The following NXPH1 variants were observed in gnomAD, a reference collection of about 807,000 sequenced individuals.
The protein encoded by NXPH1 is neurexophilin-1.
In NXPH1, 5 loss-of-function variants were observed where a neutral mutation model predicts 23.7. The ratio of observed to expected loss-of-function variants is 0.21; its 90% CI spans 0.11 to 0.44. NXPH1 has a LOEUF of 0.44. NXPH1 is among the 20% of genes least tolerant of loss of function. NXPH1 has a pLI of 0.99. For synonymous variants in NXPH1, 144 were observed against 122.2 expected, an observed-to-expected ratio of 1.18 and a Z score of -1.18; for missense variants, 324 against 321.6, an observed-to-expected ratio of 1.01 and a Z score of -0.06.
intron 2 of NXPH1, among the ~76,000 whole-genome samples, chr7:8,711,536 G>A (rs1779795408): frequency 6.6e-6 from 1 of 152,194 alleles, no homozygotes; most frequent in Non-Finnish European, 1.5e-5. Flanking sequence ...CAGGTTAAGT[G>A]TCAGAATAAT....
At chr7:8,579,738 T>C (rs566438619) in intron 2 of NXPH1, among the ~76,000 whole-genome samples, 1 of 152,322 alleles carries the variant, frequency 6.6e-6, no homozygotes, top group African/African-American at 2.4e-5. Context: ...TTCATTTAAA[T>C]CACATGATTG....
At chr7:8,553,338 ATTT>A (rs200120951) in intron 2 of NXPH1, among the ~76,000 whole-genome samples, 8,389 of 142,570 alleles carry the variant, frequency 0.059, 287 homozygotes, top group Middle Eastern at 0.11. Flanking sequence ...GGTGGTGGGC[ATTT>A]TTTTTTTTTT....
At chr7:8,694,573 G>A (rs1026553891) in intron 2 of NXPH1, among the ~76,000 whole-genome samples, 3 of 152,068 alleles carry the variant, frequency 2.0e-5, no homozygotes, top group Non-Finnish European at 2.9e-5. Flanking sequence ...CTCCTTAAAC[G>A]GGTTATAATA....
intron 2 of NXPH1, among the ~76,000 whole-genome samples, chr7:8,575,536 T>G (rs771221909): frequency 6.6e-6 from 1 of 152,220 alleles, no homozygotes; most frequent in Non-Finnish European, 1.5e-5. Flanking sequence ...CTACAGTCAA[T>G]GCTGTTGCTC....
At chr7:8,586,361 G>A (rs574629385) in intron 2 of NXPH1, among the ~76,000 whole-genome samples, 7 of 152,138 alleles carry the variant, frequency 4.6e-5, no homozygotes, top group East Asian at 1.9e-4. Context: ...TATGGAATTC[G>A]ATAATAATTC....
intron 2 of NXPH1, among the ~76,000 whole-genome samples, chr7:8,519,091 G>A (rs1314879084): frequency 6.6e-6 from 1 of 152,058 alleles, no homozygotes; most frequent in Non-Finnish European, 1.5e-5. Flanking sequence ...TTGTTCTGAA[G>A]AATCAAGCTT....
chr7:8,737,950 A>T (rs1029436209), intron 2 of NXPH1, among the ~76,000 whole-genome samples: 2 of 152,084 alleles, frequency 1.3e-5, no homozygotes, highest in African/African-American at 2.4e-5. Context: ...TGTATGTTTC[A>T]TGAAGTTCTC....
In NXPH1 at chr7:8,658,343, G is replaced by T. The variant is rs530710332; in HGVS notation, c.55-92665G>T. ...TATGTTAAGTGCTCAACGAGTGTTT[G>T]ATTAGTGAACACATTTCCATTTAGT... is the stretch of plus-strand genomic sequence containing the variant. On this transcript the variant is annotated intron_variant, in intron 2 of 2. Coordinates refer to ENST00000405863, the MANE Select transcript of NXPH1 (RefSeq NM_152745.3). Among the ~76,000 whole-genome samples, 6 of 152,308 alleles carry T rather than the reference G, an allele frequency of 3.9e-5. No individual in the cohort carries two copies. The South Asian group carries it at 1.2e-3, about 32-fold the overall frequency.
At chr7:8,544,176 TA>T (rs1818160909) in intron 2 of NXPH1, among the ~76,000 whole-genome samples, 1 of 151,642 alleles carries the variant, frequency 6.6e-6, no homozygotes, top group Non-Finnish European at 1.5e-5. Flanking sequence ...TTTGAGTGAC[TA>T]AAAACTTTAT....
At chr7:8,440,488 G>T (rs537670438) in intron 2 of NXPH1, among the ~76,000 whole-genome samples, 1 of 152,056 alleles carries the variant, frequency 6.6e-6, no homozygotes, top group Non-Finnish European at 1.5e-5. Context: ...AATTGTTGAC[G>T]GCTATTTCTT....
chr7:8,637,086 G>T (rs973276864), intron 2 of NXPH1, among the ~76,000 whole-genome samples: 6 of 152,146 alleles, frequency 3.9e-5, no homozygotes, highest in African/African-American at 1.4e-4. Flanking sequence ...GCAGAATCAT[G>T]GTACTGCCTA....
At chr7:8,594,861 T>C (rs1227021687) in intron 2 of NXPH1, among the ~76,000 whole-genome samples, 3 of 152,012 alleles carry the variant, frequency 2.0e-5, no homozygotes, top group Non-Finnish European at 4.4e-5. Context: ...AGCCTTTTCA[T>C]TAGATTTTCA....
rs556291097 is a variant in NXPH1 at position 8,641,685 on chromosome 7, ACCACTC to A, written c.55-109321_55-109316del. On this transcript the variant is annotated intron_variant, in intron 2 of 2. Transcript: ENST00000405863. Reference sequence around the variant, plus strand: ...CCCACCTTGAGGGATGAGAATTTCCACCACTCCTCTTTCTATAATAGTTTCTATAAT... The same window carrying A: ...CCCACCTTGAGGGATGAGAATTTCCACTCTTTCTATAATAGTTTCTATAAT... 1.3e-3 allele frequency among the ~76,000 whole-genome samples: 197 copies of A among 152,242 alleles called. 1 individual carries two copies. The highest frequency in any genetic ancestry group is 4.6e-3 in the African/African-American group (190 of 41,550).
At chr7:8,691,376 C>T (rs1037286965) in intron 2 of NXPH1, among the ~76,000 whole-genome samples, 5 of 152,032 alleles carry the variant, frequency 3.3e-5, no homozygotes, top group African/African-American at 9.7e-5. Context: ...CTCCCATTCC[C>T]GACCTCAGGT....
At chr7:8,690,743 T>G (rs1283527114) in intron 2 of NXPH1, among the ~76,000 whole-genome samples, 1 of 152,202 alleles carries the variant, frequency 6.6e-6, no homozygotes, top group Non-Finnish European at 1.5e-5. Flanking sequence ...AAATAAACAA[T>G]CCTGGTGATG....
chr7:8,600,900 A>G (rs28539463), intron 2 of NXPH1, among the ~76,000 whole-genome samples: 54,841 of 151,482 alleles, frequency 0.36, 11,147 homozygotes, highest in African/African-American at 0.56. Flanking sequence ...AAAAAAAGTT[A>G]TGTCTGTACT....
chr7:8,690,668 C>G (rs1385237520), intron 2 of NXPH1, among the ~76,000 whole-genome samples: 4 of 152,168 alleles, frequency 2.6e-5, no homozygotes, highest in African/African-American at 9.7e-5. Context: ...AAAGGAAACT[C>G]TATGGAAATT....
At chr7:8,676,207 C>T (rs1386333200) in intron 2 of NXPH1, among the ~76,000 whole-genome samples, 1 of 152,154 alleles carries the variant, frequency 6.6e-6, no homozygotes. Flanking sequence ...TTATAACTCC[C>T]TACGTCTAAG....
chr7:8,546,805 C>T (rs967137337), intron 2 of NXPH1, among the ~76,000 whole-genome samples: 2 of 151,376 alleles, frequency 1.3e-5, no homozygotes, highest in Admixed American at 1.3e-4. Context: ...CGTATTGATG[C>T]TCATGGTGGT....
Sources: gnomAD v4.1 joint callset for allele counts (sites outside exome capture counted in the v4.1 genomes callset) on GRCh38, gnomAD v4.1.1 for gene constraint, MANE v1.5 for transcripts, NCBI Gene and HGNC (gene_info 2026-07-23, HGNC 2026-07-21) for gene names.